LAMP2: variants seen among roughly 807,000 people sequenced by gnomAD.
The protein encoded by LAMP2 is lysosome-associated membrane glycoprotein 2.
LAMP2 carries 4 observed loss-of-function variants against 25.6 expected under a neutral mutation model. The ratio of observed to expected loss-of-function variants is 0.16; its 90% CI spans 0.08 to 0.36. The LOEUF is 0.36. Ranked by LOEUF, LAMP2 falls within the 10% of genes least tolerant of loss-of-function variation. The pLI, the probability that LAMP2 is intolerant of heterozygous loss-of-function variation, is 1.00. For missense variants in LAMP2, 272 were observed against 301.4 expected, an observed-to-expected ratio of 0.90 and a Z score of 0.72; for synonymous variants, 108 against 112.7, an observed-to-expected ratio of 0.96 and a Z score of 0.27.
rs2058510742 is a variant in LAMP2, at chrX:120,429,042, AAG to A, written c.*2279_*2280del. 1 of 586,582 alleles carries A rather than the reference AAG, an allele frequency of 1.7e-6. No individual in the cohort carries two copies. The highest frequency in any genetic ancestry group is 2.0e-6 in the Non-Finnish European group (1 of 490,189). 48.3% of individuals were successfully genotyped at this position (586,582 alleles called of 1,213,427 possible). A position where few individuals can be genotyped will look rare whatever the true frequency, so the allele number is the denominator to read the frequency against. ...ATAAGTAATAAAATTTAAGTTAAAA[AAG>A]ACTTAGGATCAAGAATGTAGTATAT... On this transcript the variant is annotated 3_prime_UTR_variant, in exon 9 of 9. Transcript: ENST00000200639.
At chrX:120,464,505 G>C (rs2147291762) in intron 1 of LAMP2, among the ~76,000 whole-genome samples, 1 of 110,953 alleles carries the variant, frequency 9.0e-6, no homozygotes, top group Admixed American at 9.6e-5. Context: ...AAAACTAGGG[G>C]GAAACAAAAA....
chrX:120,436,878 A>C, intron 8 of LAMP2: 1 of 734,899 alleles, frequency 1.4e-6, no homozygotes. Context: ...TCAGGCATAT[A>C]ATCTGAATGT....
chrX:120,442,450 T>C, intron 7 of LAMP2, 149 bp downstream of exon 7: 1 of 557,666 alleles, frequency 1.8e-6, no homozygotes, highest in Admixed American at 2.4e-5. Context: ...AGTTCTAAGT[T>C]ACTGATTTTA....
intron 5 of LAMP2, among the ~76,000 whole-genome samples, chrX:120,446,977 T>C (rs2058599198): frequency 8.9e-6 from 1 of 112,191 alleles, no homozygotes. Context: ...AAATAGAATC[T>C]AAACCCCCAA....
chrX:120,443,971 ACT>A lies in LAMP2; in HGVS notation c.865-1311_865-1310del, dbSNP rs2058585161. The stretch of plus-strand genomic sequence containing the variant: ...ACTCCAGCCTGGGCGACAAAGCGAG[ACT>A]CTGTCAAAGAAAGAAAAGAAAAGAA... On this transcript the variant is annotated intron_variant, in intron 6 of 8. Transcript: ENST00000200639. Among the ~76,000 whole-genome samples the A allele has an allele frequency of 2.8e-5, 3 of 107,939 alleles. No homozygotes were observed. In the South Asian group the frequency reaches 1.3e-3, roughly 47 times the overall value. 93.7% of individuals were successfully genotyped at this position (107,939 alleles called of 115,157 possible). A position where few individuals can be genotyped will look rare whatever the true frequency, so the allele number is the denominator to read the frequency against.
At chrX:120,455,070 T>C (rs770737844) in intron 3 of LAMP2, among the ~76,000 whole-genome samples, 47 of 103,520 alleles carry the variant, frequency 4.5e-4, no homozygotes, top group Admixed American at 1.1e-4. Context: ...TATATGTATA[T>C]ATATACACAT....
intron 5 of LAMP2, among the ~76,000 whole-genome samples, chrX:120,446,930 T>A (rs2058598884): frequency 8.9e-6 from 1 of 112,111 alleles, no homozygotes; most frequent in African/African-American, 3.2e-5. Flanking sequence ...CTGACTGAAA[T>A]AAAGGCCAAT....
Position 120,431,464 on chromosome X carries a change from T to C in LAMP2, c.1094-2A>G, listed in dbSNP as rs2147273254. 1 of 1,203,514 alleles carries C rather than the reference T, an allele frequency of 8.3e-7. No homozygotes were observed. Among genetic ancestry groups the C allele is most frequent in the Non-Finnish European group, 1.1e-6 (1 of 887,978 alleles). On this transcript the variant is annotated splice_acceptor_variant, in intron 8 of 8. Transcript: ENST00000200639. LOFTEE classifies it high-confidence loss of function. Reference sequence around the variant, plus strand: ...CGTCATCTGCACTGCAGTCTTGAGCTAGATGTGGAGAAAGGACAATTGAGA... The same window carrying C: ...CGTCATCTGCACTGCAGTCTTGAGCCAGATGTGGAGAAAGGACAATTGAGA...
rs201030806 is a variant in LAMP2, at chrX:120,447,991, C to T, written c.591G>A (p.Val197=). ...FLCDKDKTST[V]APTIHTTVPS... is the part of the protein sequence containing the mutation. ...GCACAGTGGTGTGTATGGTGGGTGC[C>T]ACTGTTGAAGTTTTGTCTTTATCAC... Residue 197 remains valine, a synonymous_variant, in exon 5 of 9, where the codon GTG becomes GTA. Transcript: ENST00000200639. The T allele has an allele frequency of 2.1e-4, 258 of 1,208,543 alleles. No individual in the cohort carries two copies. The Middle Eastern group carries it at 4.6e-3, about 22-fold the overall frequency.
rs1434716025 is a variant in LAMP2 at position 120,431,326 on chromosome X, A to T, written c.1230T>A (p.Phe410Leu). Residue 410 changes from phenylalanine (F) to leucine (L), a missense_variant, in exon 9 of 9, where the codon TTT (phenylalanine) becomes TTA (leucine). Physicochemically the swap from Phe to Leu is conservative, Grantham distance 22. Coordinates refer to ENST00000200639, the MANE Select transcript of LAMP2 (RefSeq NM_002294.3). ...LKHHHAGYEQ[F>L] ...ATAATCAATCAGGTTGCAGATTCTA[A>T]AATTGCTCATATCCAGCATGATGGT... 1 of 1,209,251 alleles carries T rather than the reference A, an allele frequency of 8.3e-7. No homozygotes were observed. Among genetic ancestry groups the T allele is most frequent in the East Asian group, 3.0e-5 (1 of 33,807 alleles).
At position 120,455,522 on chromosome X, in the gene LAMP2, T is replaced by C. The variant is rs748676358; in HGVS notation, c.232A>G (p.Ile78Val). 3.3e-6 allele frequency: 4 copies of C among 1,210,715 alleles called. No homozygotes were observed. Among genetic ancestry groups the C allele is most frequent in the East Asian group, 5.9e-5 (2 of 33,814 alleles). ...DHGTVTYNGS[I>V]CGDDQNGPKI... ...GGACCATTCTGATCATCCCCACAAA[T>C]GCTTCCATTATATGTCACAGTGCCA... The change falls in exon 3 of 9, where the codon ATT becomes GTT. Residue 78 changes from isoleucine to valine, a missense_variant. Physicochemically the swap from Ile to Val is conservative, Grantham distance 29. Transcript: ENST00000200639.
At chrX:120,461,752 T>C (rs966918507) in intron 1 of LAMP2, among the ~76,000 whole-genome samples, 1 of 112,198 alleles carries the variant, frequency 8.9e-6, no homozygotes, top group Non-Finnish European at 1.9e-5. Flanking sequence ...CAATAAATAC[T>C]GATTAATTAT....
At chrX:120,448,599 T>G (rs1277232667) in intron 4 of LAMP2, among the ~76,000 whole-genome samples, 2 of 112,502 alleles carry the variant, frequency 1.8e-5, no homozygotes, top group Non-Finnish European at 3.8e-5. Flanking sequence ...ATAAAAATTA[T>G]AAAATCAACT....
At chrX:120,448,677 G>A (rs1247081723) in intron 4 of LAMP2, among the ~76,000 whole-genome samples, 1 of 112,494 alleles carries the variant, frequency 8.9e-6, no homozygotes, top group Admixed American at 9.4e-5. Flanking sequence ...TAAAAAAGCT[G>A]ATAATCAAGC....
chrX:120,448,080 T>C, intron 4 of LAMP2, 55 bp from the exon 5 acceptor site: 6 of 1,137,623 alleles, frequency 5.3e-6, no homozygotes, highest in Non-Finnish European at 7.2e-6. Flanking sequence ...TCTTAATTCA[T>C]AAGGCCAGGG....
intron 1 of LAMP2, 33 bp from the exon 2 acceptor site, chrX:120,456,802 T>C (rs766301313): frequency 1.2e-5 from 10 of 802,408 alleles, no homozygotes; most frequent in South Asian, 2.4e-5. Context: ...TATTTTAAAA[T>C]TGTACTACAA....
intron 1 of LAMP2, 44 bp downstream of exon 1, chrX:120,469,062 C>T: frequency 1.7e-6 from 2 of 1,169,737 alleles, no homozygotes; most frequent in Non-Finnish European, 2.3e-6. Context: ...ACTGGTGCCC[C>T]GGGCCCAGGC....
At chrX:120,455,615 A>G in intron 2 of LAMP2, 45 bp from the exon 3 acceptor site, 1 of 978,690 alleles carries the variant, frequency 1.0e-6, no homozygotes, top group Non-Finnish European at 1.5e-6. Flanking sequence ...ACAGGCAGCA[A>G]GGAACACCAA....
At chrX:120,440,546 C>T (rs139123190) in intron 8 of LAMP2, among the ~76,000 whole-genome samples, 5,881 of 111,584 alleles carry the variant, frequency 0.053, 161 homozygotes, top group Non-Finnish European at 0.083. Context: ...ATTCTATGTA[C>T]ATAAAAACCA....
Sources: gnomAD v4.1 joint callset for allele counts (sites outside exome capture counted in the v4.1 genomes callset) on GRCh38, gnomAD v4.1.1 for gene constraint, MANE v1.5 for transcripts, NCBI Gene and HGNC (gene_info 2026-07-23, HGNC 2026-07-21) for gene names.